Variants in DNAH9 observed in about 807,000 individuals in gnomAD.
DNAH9 encodes the protein DNAH9 variant protein.
DNAH9 carries 345 observed loss-of-function variants against 471.6 expected under a neutral mutation model. The observed-to-expected ratio is 0.73, with a 90% CI of 0.67 to 0.80. The LOEUF (loss-of-function observed/expected upper bound fraction) is 0.80, where lower values mean the gene tolerates loss of function less well. Among genes scored for constraint, DNAH9 ranks in the 30% least tolerant of loss-of-function variants. The probability of loss-of-function intolerance (pLI) is 0.00; values close to 1 mark genes in which losing one functional copy is unlikely to be tolerated. For missense variants in DNAH9, 5,407 were observed against 5,609.2 expected, an observed-to-expected ratio of 0.96 and a Z score of 1.15; for synonymous variants, 2,093 against 2,123.6, an observed-to-expected ratio of 0.99 and a Z score of 0.40.
At chr17:11,667,873 C>G (rs1050830616) in intron 15 of DNAH9, among the ~76,000 whole-genome samples, 2 of 152,188 alleles carry the variant, frequency 1.3e-5, no homozygotes, top group Non-Finnish European at 2.9e-5. Flanking sequence ...TGTCTGCAAG[C>G]AAGGCTGGGA....
chr17:11,611,010 C>T (rs1215188693), intron 3 of DNAH9, among the ~76,000 whole-genome samples: 1 of 151,954 alleles, frequency 6.6e-6, no homozygotes, highest in Admixed American at 6.6e-5. Flanking sequence ...CTGGAAAGTT[C>T]ATCTTCCAGG....
chr17:11,935,675 G>T (rs756940149), intron 65 of DNAH9, among the ~76,000 whole-genome samples: 2 of 152,036 alleles, frequency 1.3e-5, no homozygotes, highest in African/African-American at 2.4e-5. Context: ...CGCCCGGCCC[G>T]AAAGATATTT....
chr17:11,744,302 C>T (rs1406004499), intron 30 of DNAH9, among the ~76,000 whole-genome samples: 1 of 152,156 alleles, frequency 6.6e-6, no homozygotes, highest in African/African-American at 2.4e-5. Flanking sequence ...GCAGTGTGGT[C>T]CACTCTCCCA....
At chr17:11,820,025 T>C (rs1017899186) in intron 45 of DNAH9, among the ~76,000 whole-genome samples, 1 of 151,804 alleles carries the variant, frequency 6.6e-6, no homozygotes, top group African/African-American at 2.4e-5. Context: ...TATTCTTGAT[T>C]TGAAAGAGAA....
chr17:11,854,314 G>A lies in DNAH9; in HGVS notation c.9819G>A (p.Val3273=), dbSNP rs756079093. The A allele has an allele frequency of 1.2e-6, 2 of 1,614,128 alleles. No homozygotes were observed. The highest frequency in any genetic ancestry group is 2.2e-5 in the South Asian group (2 of 91,076). Reference sequence around the variant, plus strand: ...TCTGCTCCTGGGTCATCAATATTGTGAGATTTTATGAGGTGTTCTGTGATG... The same window carrying A: ...TCTGCTCCTGGGTCATCAATATTGTAAGATTTTATGAGGTGTTCTGTGATG... ...AGLCSWVINI[V]RFYEVFCDVE... is the part of the protein sequence containing the mutation. Residue 3273 remains valine (V), a synonymous_variant, in exon 50 of 69, where the codon GTG becomes GTA. Transcript: ENST00000262442.
At chr17:11,645,953 C>A (rs7209135) in intron 11 of DNAH9, among the ~76,000 whole-genome samples, 1 of 148,272 alleles carries the variant, frequency 6.7e-6, no homozygotes, top group African/African-American at 2.5e-5. Context: ...AATCTCGACT[C>A]ACTGCAAGCT....
rs146030531 is a variant in DNAH9, at chr17:11,611,776, T to G, written c.900T>G (p.Val300=). The G allele has an allele frequency of 2.0e-4, 330 of 1,614,218 alleles. 1 individual carries two copies. The African/African-American group carries it at 3.4e-3, about 17-fold the overall frequency. Residue 300 remains valine, a synonymous_variant, in exon 4 of 69, where the codon GTT becomes GTG. Transcript: ENST00000262442. The stretch of plus-strand genomic sequence containing the variant: ...TCAAAGCCATGTACAGAGATGTTGT[T>G]GCAGGTGAGGACCAGCAAGTGTTTT... ...PAFKAMYRDV[V]AALAEAQDIH... is the part of the protein sequence containing the mutation.
At chr17:11,884,997 GCTTT>G (rs1342158472) in intron 56 of DNAH9, among the ~76,000 whole-genome samples, 2 of 152,056 alleles carry the variant, frequency 1.3e-5, no homozygotes, top group African/African-American at 4.8e-5. Context: ...GTTGTATGAA[GCTTT>G]CTTTTTCCTT....
chr17:11,889,048 GT>G (rs1419519193), intron 57 of DNAH9, among the ~76,000 whole-genome samples: 1 of 152,186 alleles, frequency 6.6e-6, no homozygotes, highest in African/African-American at 2.4e-5. Context: ...TTAAGTGGCA[GT>G]AAAGTAATTT....
At chr17:11,669,854 T>A in intron 17 of DNAH9, 60 bp downstream of exon 17, 2 of 1,407,770 alleles carry the variant, frequency 1.4e-6, no homozygotes, top group Non-Finnish European at 2.0e-6. Flanking sequence ...ACCATGTTTT[T>A]AAACCTTTTT....
In DNAH9 at chr17:11,904,571, C is replaced by T. The variant is rs1410240103; in HGVS notation, c.11601-1090C>T. ...TTGAACCTGGTGGAGGCGGATGTTG[C>T]AGTGAGCCGAGATCGCACCACTGCA... On this transcript the variant is annotated intron_variant, in intron 60 of 68. Transcript: ENST00000262442. Among the ~76,000 whole-genome samples, 6 of 142,764 alleles carry T rather than the reference C, an allele frequency of 4.2e-5. No homozygotes were observed. In the Admixed American group the frequency reaches 4.4e-4, roughly 10 times the overall value. The allele number at this position is 142,764 out of a possible 152,430, so 93.7% of individuals were successfully genotyped here.
chr17:11,934,658 T>C (rs1040028801), intron 65 of DNAH9, among the ~76,000 whole-genome samples: 37 of 152,002 alleles, frequency 2.4e-4, no homozygotes, highest in Non-Finnish European at 8.8e-5. Context: ...TTCACCCTGT[T>C]AGCCAGGATG....
At chr17:11,765,474 C>G (rs1339200416) in intron 36 of DNAH9, among the ~76,000 whole-genome samples, 1 of 152,170 alleles carries the variant, frequency 6.6e-6, no homozygotes, top group Non-Finnish European at 1.5e-5. Context: ...TTCAAGGGCC[C>G]TGGCTGTTAA....
chr17:11,766,315 A>AG (rs1967934458), intron 36 of DNAH9, among the ~76,000 whole-genome samples: 1 of 151,970 alleles, frequency 6.6e-6, no homozygotes, highest in South Asian at 2.1e-4. Flanking sequence ...TAAAAAAAAA[A>AG]AAAAGTCCTG....
At chr17:11,645,753 G>A (rs1023659781) in intron 11 of DNAH9, among the ~76,000 whole-genome samples, 3 of 151,876 alleles carry the variant, frequency 2.0e-5, no homozygotes, top group Non-Finnish European at 4.4e-5. Flanking sequence ...CATCCTCTGA[G>A]ACCCAAGCAA....
At chr17:11,826,982 G>A (rs1489340584) in intron 48 of DNAH9, among the ~76,000 whole-genome samples, 5 of 151,650 alleles carry the variant, frequency 3.3e-5, no homozygotes, top group African/African-American at 9.7e-5. Flanking sequence ...CCGCCACCAT[G>A]CCCAGCTAAT....
chr17:11,870,818 C>T (rs1284848030), intron 51 of DNAH9, among the ~76,000 whole-genome samples: 2 of 152,088 alleles, frequency 1.3e-5, no homozygotes, highest in African/African-American at 2.4e-5. Context: ...CTGAAGCCAC[C>T]CCTGTCTCTA....
intron 48 of DNAH9, among the ~76,000 whole-genome samples, chr17:11,825,129 G>T (rs1232632586): frequency 6.6e-6 from 1 of 152,038 alleles, no homozygotes; most frequent in Non-Finnish European, 1.5e-5. Flanking sequence ...CCAGTTCAGG[G>T]CATCGTAAGC....
chr17:11,724,665 A>G (rs2075122091), intron 27 of DNAH9, among the ~76,000 whole-genome samples: 1 of 152,190 alleles, frequency 6.6e-6, no homozygotes, highest in African/African-American at 2.4e-5. Context: ...AGTATTTGTG[A>G]CACTTGGATT....
Sources: allele counts gnomAD v4.1 joint callset (sites outside exome capture counted in the v4.1 genomes callset), GRCh38; gene constraint gnomAD v4.1.1; transcripts MANE v1.5; gene names NCBI Gene and HGNC (gene_info 2026-07-23, HGNC 2026-07-21).